CACNA2D1: variants seen among roughly 807,000 people sequenced by gnomAD.
CACNA2D1 encodes the protein voltage-dependent calcium channel subunit alpha-2/delta-1.
CACNA2D1 carries 53 observed loss-of-function variants against 171.5 expected under a neutral mutation model. That is an observed-to-expected ratio of 0.31 (90% CI 0.25 to 0.39). CACNA2D1 has a LOEUF of 0.39. Among genes scored for constraint, CACNA2D1 ranks in the 10% least tolerant of loss-of-function variants. The pLI is 1.00. For synonymous variants in CACNA2D1, 442 were observed against 443.1 expected, an observed-to-expected ratio of 1.00 and a Z score of 0.03; for missense variants, 903 against 1,299.8, an observed-to-expected ratio of 0.69 and a Z score of 4.69.
At chr7:82,111,688 A>G (rs1005749375) in intron 6 of CACNA2D1, among the ~76,000 whole-genome samples, 4 of 151,686 alleles carry the variant, frequency 2.6e-5, no homozygotes, top group African/African-American at 9.7e-5. Context: ...GGCTCAATCG[A>G]TCCGCCCACT....
chr7:82,000,867 G>A (rs1032639277), intron 18 of CACNA2D1, among the ~76,000 whole-genome samples: 1 of 120,984 alleles, frequency 8.3e-6, no homozygotes, highest in Non-Finnish European at 1.6e-5. Flanking sequence ...CTGACCTTGT[G>A]ATCGGCCCTC....
intron 12 of CACNA2D1, among the ~76,000 whole-genome samples, chr7:82,025,792 A>G (rs1801819708): frequency 6.6e-6 from 1 of 151,702 alleles, no homozygotes; most frequent in Non-Finnish European, 1.5e-5. Context: ...CTATCTGTTT[A>G]AGTCTATTTG....
At chr7:82,355,948 T>G (rs1036491499) in intron 1 of CACNA2D1, among the ~76,000 whole-genome samples, 1 of 152,004 alleles carries the variant, frequency 6.6e-6, no homozygotes, top group African/African-American at 2.4e-5. Context: ...ACTCAATATC[T>G]TCCCCCCTCC....
intron 3 of CACNA2D1, among the ~76,000 whole-genome samples, chr7:82,221,885 C>A (rs1801812707): frequency 6.7e-6 from 1 of 148,660 alleles, no homozygotes; most frequent in African/African-American, 2.5e-5. Flanking sequence ...ATGATTTTGA[C>A]ATGAAGAAAA....
intron 3 of CACNA2D1, among the ~76,000 whole-genome samples, chr7:82,258,341 C>T (rs1806557619): frequency 6.6e-6 from 1 of 151,706 alleles, no homozygotes; most frequent in Admixed American, 6.6e-5. Flanking sequence ...GTGACCTCAG[C>T]CAAATAAATA....
chr7:82,261,518 A>C (rs1807100113), intron 3 of CACNA2D1, among the ~76,000 whole-genome samples: 1 of 152,178 alleles, frequency 6.6e-6, no homozygotes, highest in Non-Finnish European at 1.5e-5. Context: ...TATTAACGAG[A>C]AGGCGTGTTG....
intron 5 of CACNA2D1, among the ~76,000 whole-genome samples, chr7:82,119,214 A>G (rs577988980): frequency 6.6e-6 from 1 of 152,182 alleles, no homozygotes; most frequent in Non-Finnish European, 1.5e-5. Flanking sequence ...TTCTTTTCAA[A>G]ATATATCTTC....
At chr7:82,339,824 T>G (rs1818405987) in intron 2 of CACNA2D1, among the ~76,000 whole-genome samples, 1 of 152,168 alleles carries the variant, frequency 6.6e-6, no homozygotes, top group Non-Finnish European at 1.5e-5. Flanking sequence ...CCCCAGAACC[T>G]GTTAATATGT....
At chr7:82,106,416 C>T (rs1411885112) in intron 6 of CACNA2D1, among the ~76,000 whole-genome samples, 2 of 152,058 alleles carry the variant, frequency 1.3e-5, no homozygotes, top group Non-Finnish European at 2.9e-5. Context: ...TTGTTATACG[C>T]ATCATAAAAG....
At chr7:82,236,119 G>A (rs180859041) in intron 3 of CACNA2D1, among the ~76,000 whole-genome samples, 48 of 136,566 alleles carry the variant, frequency 3.5e-4, no homozygotes, top group Admixed American at 1.7e-3. Context: ...CTTCCTTGTC[G>A]AGGGAAACCA....
intron 1 of CACNA2D1, among the ~76,000 whole-genome samples, chr7:82,413,575 C>T (rs939041219): frequency 1.3e-5 from 2 of 152,200 alleles, no homozygotes; most frequent in Non-Finnish European, 2.9e-5. Context: ...TGAGATATTA[C>T]CATTCTTTCC....
rs764880065 is a variant in CACNA2D1 at position 82,443,371 on chromosome 7, G to A, written c.89C>T (p.Ala30Val). 1.9e-6 allele frequency: 3 copies of A among 1,603,214 alleles called. No homozygotes were observed. The South Asian group carries it at 3.3e-5, about 18-fold the overall frequency. ...GPSSEEPFPS[A>V]VTIKSWVDKM... ...GCCCGGCCCGCCGACTTACGTGACG[G>A]CCGAAGGGAACGGCTCCTCCGACGA... The change falls in exon 1 of 39, where the codon GCC becomes GTC. Residue 30 changes from alanine to valine, a missense_variant. Physicochemically the swap from Ala to Val is moderately conservative, Grantham distance 64 (BLOSUM62 0). Around this residue, in one of 5 missense-constraint regions of CACNA2D1, gnomAD observed 189 missense variants for 266.8 expected, o/e 0.71. Transcript: ENST00000356860.
At chr7:82,443,810 C>T (rs1830694014), upstream of CACNA2D1, 2 of 847,176 alleles carry the variant, frequency 2.4e-6, no homozygotes, top group Non-Finnish European at 3.1e-6. Context: ...ATTTATTCCC[C>T]CGATTGCCGA....
intron 3 of CACNA2D1, among the ~76,000 whole-genome samples, chr7:82,309,476 C>T (rs1447169684): frequency 7.1e-6 from 1 of 140,962 alleles, no homozygotes; most frequent in African/African-American, 2.7e-5. Flanking sequence ...GACATTTTTG[C>T]CTGGGTCTAC....
chr7:81,976,077 T>C, intron 24 of CACNA2D1, among the ~76,000 whole-genome samples: 1 of 151,914 alleles, frequency 6.6e-6, no homozygotes, highest in Admixed American at 6.6e-5. Flanking sequence ...TCCAAGTTAC[T>C]CTGGGATGCA....
chr7:82,000,771 CTTTTTTTTTTTTTTTTTTTTTTTT>C (rs774565705), intron 18 of CACNA2D1, among the ~76,000 whole-genome samples: 13 of 51,912 alleles, frequency 2.5e-4, no homozygotes, highest in Middle Eastern at 0.02. Context: ...ATTTTTCTTT[CTTTTTTTTTTTTTTTTTTTTTTTT>C]TTTTTTTTTT....
chr7:82,404,836 G>A (rs1328082800), intron 1 of CACNA2D1, among the ~76,000 whole-genome samples: 2 of 152,114 alleles, frequency 1.3e-5, no homozygotes, highest in Admixed American at 1.3e-4. Flanking sequence ...GCCAAATATG[G>A]CCCATTAGAG....
chr7:82,240,960 C>CCA (rs1804195027), intron 3 of CACNA2D1, among the ~76,000 whole-genome samples: 2 of 150,602 alleles, frequency 1.3e-5, no homozygotes, highest in African/African-American at 4.9e-5. Context: ...GAGCAAGACT[C>CCA]CATCTCAAAA....
intron 3 of CACNA2D1, among the ~76,000 whole-genome samples, chr7:82,254,875 C>T (rs1174643879): frequency 6.6e-6 from 1 of 152,130 alleles, no homozygotes; most frequent in East Asian, 1.9e-4. Flanking sequence ...AGTTCATTAC[C>T]TTGTTTAATT....
Sources: allele counts gnomAD v4.1 joint callset (sites outside exome capture counted in the v4.1 genomes callset), GRCh38; gene constraint gnomAD v4.1.1; regional missense constraint gnomAD v4.1.1; transcripts MANE v1.5; gene names NCBI Gene and HGNC (gene_info 2026-07-23, HGNC 2026-07-21).